Variants in SPECC1L observed in about 807,000 individuals in gnomAD.
SPECC1L encodes the protein sperm antigen with calponin homology and coiled-coil domains 1 like, also known as cytospin-A.
A neutral mutation model predicts 116.8 loss-of-function variants in SPECC1L; 40 were observed. The observed-to-expected ratio is 0.34, with a 90% CI of 0.27 to 0.45. SPECC1L has a LOEUF of 0.45. SPECC1L is among the 20% of genes least tolerant of loss of function. The pLI is 1.00. For synonymous variants in SPECC1L, 504 were observed against 500.6 expected (o/e 1.01, Z -0.09); for missense variants, 1,110 against 1,373.6 (o/e 0.81, Z 3.03).
intron 14 of SPECC1L, among the ~76,000 whole-genome samples, chr22:24,382,272 C>G (rs1026903738): frequency 6.6e-6 from 1 of 152,090 alleles, no homozygotes. Context: ...GCTAACTCTT[C>G]ACATGGGGTA....
chr22:24,279,046 A>G (rs1318861093), intron 2 of SPECC1L, among the ~76,000 whole-genome samples: 3 of 152,258 alleles, frequency 2.0e-5, no homozygotes, highest in Non-Finnish European at 4.4e-5. Context: ...AAGGTTCCGA[A>G]GGATGCAACC....
intron 14 of SPECC1L, among the ~76,000 whole-genome samples, chr22:24,396,305 T>G (rs8138722): frequency 0.074 from 11,205 of 151,858 alleles, 862 homozygotes; most frequent in African/African-American, 0.2. Flanking sequence ...GTTTTTTTTT[T>G]TTGTTGTTGT....
intron 2 of SPECC1L, among the ~76,000 whole-genome samples, chr22:24,301,747 A>G (rs888986811): frequency 1.3e-5 from 2 of 152,158 alleles, no homozygotes; most frequent in Non-Finnish European, 2.9e-5. Context: ...AGGTTCACCC[A>G]TATTATAATA....
At chr22:24,283,784 T>G (rs1471546276) in intron 2 of SPECC1L, among the ~76,000 whole-genome samples, 2 of 152,258 alleles carry the variant, frequency 1.3e-5, no homozygotes, top group Admixed American at 1.3e-4. Context: ...TATCACTGTT[T>G]GAGCTTCGAT....
intron 10 of SPECC1L, among the ~76,000 whole-genome samples, chr22:24,342,275 A>G (rs1258801898): frequency 6.6e-6 from 1 of 152,224 alleles, no homozygotes; most frequent in Non-Finnish European, 1.5e-5. Context: ...CCTAGAACGG[A>G]TAGAAATGAT....
chr22:24,364,864 T>G (rs2041720903), intron 12 of SPECC1L, among the ~76,000 whole-genome samples: 1 of 152,168 alleles, frequency 6.6e-6, no homozygotes, highest in Admixed American at 6.5e-5. Flanking sequence ...TATTTGTAAT[T>G]AAACAGATGT....
chr22:24,317,150 C>G (rs1333184262), intron 4 of SPECC1L, among the ~76,000 whole-genome samples: 9 of 99,570 alleles, frequency 9.0e-5, no homozygotes, highest in African/African-American at 3.1e-4. Context: ...CCCCCTACCT[C>G]CCTCCCGGAC....
chr22:24,334,309 G>A, intron 8 of SPECC1L, 101 bp from the exon 9 acceptor site: 2 of 1,264,160 alleles, frequency 1.6e-6, no homozygotes, highest in East Asian at 2.4e-5. Context: ...ACCGTGCCCG[G>A]CCATTAAACT....
chr22:24,381,283 G>A (rs1258952904), intron 14 of SPECC1L, among the ~76,000 whole-genome samples: 3 of 152,164 alleles, frequency 2.0e-5, no homozygotes, highest in Non-Finnish European at 2.9e-5. Context: ...CTGATAAAAT[G>A]CTAGACCTAG....
intron 2 of SPECC1L, among the ~76,000 whole-genome samples, chr22:24,294,992 G>A (rs541785793): frequency 6.6e-6 from 1 of 152,246 alleles, no homozygotes; most frequent in South Asian, 2.1e-4. Flanking sequence ...TATATGGTAG[G>A]TAAGAGATAG....
chr22:24,375,986 A>T (rs2041964734), intron 14 of SPECC1L, among the ~76,000 whole-genome samples: 1 of 152,084 alleles, frequency 6.6e-6, no homozygotes, highest in Non-Finnish European at 1.5e-5. Context: ...AAACAAAAAA[A>T]ACCCACAGTT....
At chr22:24,391,179 CTG>C (rs2042267802) in intron 14 of SPECC1L, among the ~76,000 whole-genome samples, 1 of 152,026 alleles carries the variant, frequency 6.6e-6, no homozygotes, top group South Asian at 2.1e-4. Flanking sequence ...CCGGCCGGGC[CTG>C]TGTTCTTTAC....
At chr22:24,315,688 C>T (rs907979999) in intron 4 of SPECC1L, among the ~76,000 whole-genome samples, 5 of 152,368 alleles carry the variant, frequency 3.3e-5, no homozygotes, top group East Asian at 1.9e-4. Context: ...TCTGGATTAG[C>T]TGCCCCAGTA....
intron 2 of SPECC1L, among the ~76,000 whole-genome samples, chr22:24,294,934 C>T (rs1260196109): frequency 6.6e-6 from 1 of 152,078 alleles, no homozygotes; most frequent in African/African-American, 2.4e-5. Context: ...TTTTTCATTT[C>T]TAGTAAAGAG....
chr22:24,307,157 G>C (rs191065411), intron 3 of SPECC1L, among the ~76,000 whole-genome samples: 39 of 152,240 alleles, frequency 2.6e-4, no homozygotes, highest in African/African-American at 8.9e-4. Flanking sequence ...AATTTTGGGG[G>C]GGGTATATAC....
chr22:24,283,754 A>G (rs1010479010), intron 2 of SPECC1L, among the ~76,000 whole-genome samples: 5 of 152,228 alleles, frequency 3.3e-5, no homozygotes, highest in South Asian at 2.1e-4. Flanking sequence ...TTCAATAACT[A>G]TAGAGCTATT....
At chr22:24,402,501 GT>G (rs1467331417) in intron 14 of SPECC1L, among the ~76,000 whole-genome samples, 2 of 152,314 alleles carry the variant, frequency 1.3e-5, no homozygotes, top group East Asian at 3.9e-4. Context: ...GTGAGCCAGG[GT>G]TTTGTTAGTA....
chr22:24,352,285 A>G (rs1330770605), intron 11 of SPECC1L, among the ~76,000 whole-genome samples: 2 of 152,222 alleles, frequency 1.3e-5, no homozygotes, highest in Non-Finnish European at 2.9e-5. Flanking sequence ...GAAAGTGCAC[A>G]GTGACCAGAT....
intron 10 of SPECC1L, among the ~76,000 whole-genome samples, chr22:24,340,218 G>A (rs146407288): frequency 0.013 from 1,730 of 134,170 alleles, 32 homozygotes; most frequent in African/African-American, 0.046. Context: ...GCATGATTTC[G>A]GCTCACTGCA....
Sources: gnomAD v4.1 joint callset for allele counts (sites outside exome capture counted in the v4.1 genomes callset) on GRCh38, gnomAD v4.1.1 for gene constraint, MANE v1.5 for transcripts, NCBI Gene and HGNC (gene_info 2026-07-23, HGNC 2026-07-21) for gene names.